DTNA: variants seen among roughly 807,000 people sequenced by gnomAD.
The protein encoded by DTNA is dystrobrevin alpha.
A neutral mutation model predicts 100.7 loss-of-function variants in DTNA; 43 were observed. That is an observed-to-expected ratio of 0.43 (90% confidence interval 0.33 to 0.55). The LOEUF (loss-of-function observed/expected upper bound fraction) is 0.55, where lower values mean the gene tolerates loss of function less well. Among genes scored for constraint, DTNA ranks in the 20% least tolerant of loss-of-function variants. The pLI is 0.04. For synonymous variants in DTNA, 349 were observed against 347.9 expected (o/e 1.00, Z -0.04); for missense variants, 798 against 953.9 (o/e 0.84, Z 2.15).
intron 1 of DTNA, among the ~76,000 whole-genome samples, chr18:34,571,016 T>A (rs567840591): frequency 6.6e-6 from 1 of 152,344 alleles, no homozygotes; most frequent in South Asian, 2.1e-4. Flanking sequence ...CTTGTCTCCA[T>A]AATAGCCTTT....
At chr18:34,866,089 T>A in intron 17 of DTNA, 3 of 1,613,700 alleles carry the variant, frequency 1.9e-6, no homozygotes, top group Non-Finnish European at 2.5e-6. Flanking sequence ...ATCTAACTGT[T>A]ATTGATTCAA....
At chr18:34,542,753 A>G (rs1299699229) in intron 1 of DTNA, among the ~76,000 whole-genome samples, 2 of 152,058 alleles carry the variant, frequency 1.3e-5, no homozygotes, top group African/African-American at 2.4e-5. Context: ...ATATACCTGT[A>G]TAATTTTTAA....
intron 1 of DTNA, among the ~76,000 whole-genome samples, chr18:34,619,418 A>C (rs576637585): frequency 6.6e-6 from 1 of 152,314 alleles, no homozygotes; most frequent in South Asian, 2.1e-4. Context: ...AGAATAGCAA[A>C]GAAGCAATAT....
At chr18:34,866,640 CT>C in intron 17 of DTNA, 1 of 1,010,620 alleles carries the variant, frequency 9.9e-7, no homozygotes, top group Non-Finnish European at 1.2e-6. Context: ...AATTAAATCC[CT>C]TTTCATCACA....
chr18:34,778,807 T>TTTGTTGTTG (rs368572376), intron 3 of DTNA, among the ~76,000 whole-genome samples: 1 of 150,882 alleles, frequency 6.6e-6, no homozygotes, highest in Admixed American at 6.6e-5. Context: ...ATAGGGAAAG[T>TTTGTTGTTG]TTGTTGTTGT....
At chr18:34,668,009 C>T (rs1024606370) in intron 1 of DTNA, among the ~76,000 whole-genome samples, 3 of 152,156 alleles carry the variant, frequency 2.0e-5, no homozygotes, top group African/African-American at 7.2e-5. Context: ...GGTACCAGCT[C>T]CTCCTTGTAC....
chr18:34,663,562 G>T (rs1599775844), intron 1 of DTNA, among the ~76,000 whole-genome samples: 1 of 152,102 alleles, frequency 6.6e-6, no homozygotes, highest in Admixed American at 6.6e-5. Context: ...ATTGTTCAAG[G>T]TACAAGTGGT....
At chr18:34,614,339 C>G (rs895460049) in intron 1 of DTNA, among the ~76,000 whole-genome samples, 1 of 152,178 alleles carries the variant, frequency 6.6e-6, no homozygotes, top group Non-Finnish European at 1.5e-5. Context: ...CCCAAGACAA[C>G]GTCCATTCTG....
intron 1 of DTNA, among the ~76,000 whole-genome samples, chr18:34,553,052 T>G (rs1213308937): frequency 1.3e-5 from 2 of 151,082 alleles, no homozygotes; most frequent in East Asian, 2.0e-4. Context: ...GTTTCCTGAC[T>G]TTTTAATGAT....
chr18:34,686,121 AC>A lies in DTNA; in HGVS notation c.-1-69852del, dbSNP rs554222783. On this transcript the variant is annotated intron_variant, in intron 1 of 19. Transcript: ENST00000283365. Reference sequence around the variant, plus strand: ...TGACTTCCTGTCTTCCTATTTGAATACCCTTCATTTCTTTCTCTTGCCTGAT... The same window carrying A: ...TGACTTCCTGTCTTCCTATTTGAATACCTTCATTTCTTTCTCTTGCCTGAT... Among the ~76,000 whole-genome samples the A allele has an allele frequency of 5.3e-5, 8 of 152,142 alleles. No homozygotes were observed. In the East Asian group the frequency reaches 1.4e-3, roughly 26 times the overall value.
At chr18:34,611,400 C>T (rs1046668871) in intron 1 of DTNA, among the ~76,000 whole-genome samples, 4 of 152,110 alleles carry the variant, frequency 2.6e-5, no homozygotes, top group African/African-American at 9.7e-5. Flanking sequence ...CAGAAGTTTC[C>T]TCCAGTCTCA....
chr18:34,693,007 T>G (rs2079997329), intron 1 of DTNA, among the ~76,000 whole-genome samples: 1 of 152,154 alleles, frequency 6.6e-6, no homozygotes, highest in South Asian at 2.1e-4. Flanking sequence ...ATTCTGAAAT[T>G]TTTATAACAC....
intron 1 of DTNA, among the ~76,000 whole-genome samples, chr18:34,691,298 A>G (rs1002769583): frequency 5.9e-5 from 9 of 152,178 alleles, no homozygotes; most frequent in Admixed American, 1.3e-4. Context: ...CATCATTTTC[A>G]TTCTTCAGTG....
chr18:34,496,544 A>G (rs2039252901), intron 1 of DTNA, among the ~76,000 whole-genome samples: 1 of 152,074 alleles, frequency 6.6e-6, no homozygotes, highest in Non-Finnish European at 1.5e-5. Flanking sequence ...CCACACCTCT[A>G]GTTTGAAAGA....
At chr18:34,866,384 A>G in intron 17 of DTNA, 4 of 1,375,160 alleles carry the variant, frequency 2.9e-6, no homozygotes, top group Non-Finnish European at 3.8e-6. Flanking sequence ...ACGAATTGTC[A>G]TTTATTGGAA....
intron 1 of DTNA, among the ~76,000 whole-genome samples, chr18:34,565,652 A>G (rs775286031): frequency 6.6e-6 from 1 of 152,160 alleles, no homozygotes. Flanking sequence ...GCCTTCCTCT[A>G]CATGACTTTC....
intron 13 of DTNA, among the ~76,000 whole-genome samples, chr18:34,839,708 A>G (rs769162088): frequency 6.6e-6 from 1 of 152,174 alleles, no homozygotes; most frequent in East Asian, 1.9e-4. Flanking sequence ...TTAAGGGCCC[A>G]TGGATTTTCC....
At chr18:34,815,776 A>G (rs1473799887) in intron 6 of DTNA, 133 bp from the exon 7 acceptor site, 1 of 818,116 alleles carries the variant, frequency 1.2e-6, no homozygotes, top group Non-Finnish European at 2.0e-6. Context: ...CACATTTGGC[A>G]AGTTCTGTTT....
Position 34,890,352 on chromosome 18 carries a change from C to T in DTNA, c.*2618C>T. On this transcript the variant is annotated 3_prime_UTR_variant, in exon 23 of 23. Transcript: ENST00000444659. Reference sequence around the variant, plus strand: ...GAGCACCCCTGTCCTGTAAGCGAGACAAAATGGCGTGTGTTATTTTGGGGT... The same window carrying T: ...GAGCACCCCTGTCCTGTAAGCGAGATAAAATGGCGTGTGTTATTTTGGGGT... The T allele has an allele frequency of 6.5e-7, 1 of 1,536,126 alleles. No individual in the cohort carries two copies. The highest frequency in any genetic ancestry group is 8.7e-7 in the Non-Finnish European group (1 of 1,146,908).
Sources: gnomAD v4.1 joint callset for allele counts (sites outside exome capture counted in the v4.1 genomes callset) on GRCh38, gnomAD v4.1.1 for gene constraint, MANE v1.5 for transcripts, NCBI Gene and HGNC (gene_info 2026-07-23, HGNC 2026-07-21) for gene names.